Variants in SH3KBP1 observed in about 807,000 individuals in gnomAD.
SH3KBP1 encodes SH3 domain-containing kinase-binding protein 1.
Under a neutral mutation model 50.1 loss-of-function variants are expected in SH3KBP1, and 8 were observed. That is an observed-to-expected ratio of 0.16 (90% CI 0.09 to 0.29). The LOEUF (loss-of-function observed/expected upper bound fraction) is 0.29, where lower values mean the gene tolerates loss of function less well. Among genes scored for constraint, SH3KBP1 ranks in the 10% least tolerant of loss-of-function variants. The pLI is 1.00. For missense variants in SH3KBP1, 377 were observed against 535.2 expected, an observed-to-expected ratio of 0.70 and a Z score of 2.92; for synonymous variants, 227 against 218.6, an observed-to-expected ratio of 1.04 and a Z score of -0.34.
In SH3KBP1 at chrX:19,842,556, T is replaced by C. The variant is rs1188294242; in HGVS notation, c.5-6274A>G. Among the ~76,000 whole-genome samples, 3 of 111,239 alleles carry C rather than the reference T, an allele frequency of 2.7e-5. No individual in the cohort carries two copies. In the East Asian group the frequency reaches 8.3e-4, roughly 31 times the overall value. On this transcript the variant is annotated intron_variant, in intron 1 of 17. Transcript: ENST00000397821. Reference sequence around the variant, plus strand: ...AATAATAATATTAAAATTAAAAGTCTAAACAATATATATTTAAGAATTTAT... The same window carrying C: ...AATAATAATATTAAAATTAAAAGTCCAAACAATATATATTTAAGAATTTAT...
intron 16 of SH3KBP1, among the ~76,000 whole-genome samples, chrX:19,540,480 G>A (rs772760575): frequency 8.1e-5 from 9 of 111,765 alleles, no homozygotes; most frequent in African/African-American, 2.6e-4. Flanking sequence ...AATGCAAAGC[G>A]AAGGCTCTGA....
chrX:19,822,268 C>T (rs1044820911), intron 2 of SH3KBP1, among the ~76,000 whole-genome samples: 1 of 111,823 alleles, frequency 8.9e-6, no homozygotes. Context: ...ATTATCATAA[C>T]CTTCTTTTCT....
intron 1 of SH3KBP1, among the ~76,000 whole-genome samples, chrX:19,878,803 G>A (rs1483524980): frequency 8.9e-6 from 1 of 111,772 alleles, no homozygotes; most frequent in African/African-American, 3.3e-5. Flanking sequence ...AATATACCCA[G>A]TATAACTATA....
At chrX:19,874,448 G>C (rs1398075765) in intron 1 of SH3KBP1, among the ~76,000 whole-genome samples, 1 of 19,456 alleles carries the variant, frequency 5.1e-5, no homozygotes, top group Admixed American at 3.6e-4. Context: ...GGGGCAAAGT[G>C]GGGGGGTGTG....
intron 1 of SH3KBP1, among the ~76,000 whole-genome samples, chrX:19,838,577 G>T (rs942894558): frequency 9.0e-6 from 1 of 111,720 alleles, no homozygotes; most frequent in African/African-American, 3.3e-5. Flanking sequence ...TAGACAACAC[G>T]AGGCCAAGTG....
chrX:19,712,981 T>C (rs971595865), intron 3 of SH3KBP1, among the ~76,000 whole-genome samples: 9 of 111,417 alleles, frequency 8.1e-5, no homozygotes, highest in African/African-American at 2.0e-4. Context: ...CCCAGCACTT[T>C]GGGAGGCTGA....
rs1324206953 is a variant in SH3KBP1 at position 19,650,768 on chromosome X, G to A, written c.727-5293C>T. 5.4e-5 allele frequency among the ~76,000 whole-genome samples: 6 copies of A among 111,901 alleles called. No homozygotes were observed. In the Admixed American group the frequency reaches 5.7e-4, roughly 11 times the overall value. On this transcript the variant is annotated intron_variant, in intron 6 of 17. Transcript: ENST00000397821. ...CCCATTCAGTGTGAGGCAGGAAAGT[G>A]GGGAAAAAAGGCAGGAGGATGGTGA...
chrX:19,573,969 G>A (rs754330498), intron 12 of SH3KBP1, among the ~76,000 whole-genome samples: 2 of 111,198 alleles, frequency 1.8e-5, no homozygotes, highest in Non-Finnish European at 3.8e-5. Flanking sequence ...GTTCTATCTA[G>A]AGCTCCTGTT....
intron 2 of SH3KBP1, among the ~76,000 whole-genome samples, chrX:19,799,243 C>A (rs1025558806): frequency 1.8e-5 from 2 of 111,481 alleles, no homozygotes; most frequent in Non-Finnish European, 3.8e-5. Flanking sequence ...TGGATGCCTG[C>A]AGGGGGTTTG....
At chrX:19,627,805 G>A (rs888519994) in intron 8 of SH3KBP1, among the ~76,000 whole-genome samples, 1 of 112,178 alleles carries the variant, frequency 8.9e-6, no homozygotes, top group Non-Finnish European at 1.9e-5. Context: ...AGGGCAAAGG[G>A]AAACCACCTT....
intron 2 of SH3KBP1, among the ~76,000 whole-genome samples, chrX:19,772,571 C>T (rs989356065): frequency 9.0e-6 from 1 of 111,009 alleles, no homozygotes; most frequent in Non-Finnish European, 1.9e-5. Context: ...ATTTCCTCTC[C>T]GTTCCAACAT....
intron 7 of SH3KBP1, among the ~76,000 whole-genome samples, chrX:19,634,031 G>GGTGTGTGTGTGT (rs60109180): frequency 1.1e-3 from 34 of 32,162 alleles, no homozygotes; most frequent in South Asian, 2.1e-3. Flanking sequence ...TTTGTTCCCT[G>GGTGTGTGTGTGT]GTGTGTGTGT....
chrX:19,752,229 A>T (rs1390271850), intron 2 of SH3KBP1, among the ~76,000 whole-genome samples: 3 of 111,987 alleles, frequency 2.7e-5, no homozygotes, highest in African/African-American at 9.7e-5. Context: ...TACTGACGTC[A>T]TCATTTATCT....
Position 19,710,426 on chromosome X carries a change from C to T in SH3KBP1, c.287-3442G>A, listed in dbSNP as rs192772473. ...GAAGGTCAATAGTAGCCAAACGCTA[C>T]GTCACAATGCCCACATCATTCACCT... is the stretch of plus-strand genomic sequence containing the variant. On this transcript the variant is annotated intron_variant, in intron 3 of 17. Coordinates refer to ENST00000397821, the MANE Select transcript of SH3KBP1 (RefSeq NM_031892.3). 9.8e-5 allele frequency among the ~76,000 whole-genome samples: 11 copies of T among 111,794 alleles called. No homozygotes were observed. In the Admixed American group the frequency reaches 1.0e-3, roughly 11 times the overall value.
chrX:19,773,549 A>G (rs1456434999), intron 2 of SH3KBP1, among the ~76,000 whole-genome samples: 1 of 106,942 alleles, frequency 9.4e-6, no homozygotes, highest in Non-Finnish European at 1.9e-5. Context: ...ACACACACAC[A>G]CCCCCCTATA....
At position 19,765,412 on chromosome X, in the gene SH3KBP1, C is replaced by G. The variant is rs184127993; in HGVS notation, c.163-18971G>C. Among the ~76,000 whole-genome samples, 120 of 110,847 alleles carry G rather than the reference C, an allele frequency of 1.1e-3. 1 individual carries two copies. Among genetic ancestry groups the G allele is most frequent in the African/African-American group, 3.9e-3 (119 of 30,444 alleles). ...CACCCTTTCCAGCCTCTAGGGGTTA[C>G]CTGCATTCCTTAGCTTGTATTCCCT... On this transcript the variant is annotated intron_variant, in intron 2 of 17. Coordinates refer to ENST00000397821, the MANE Select transcript of SH3KBP1 (RefSeq NM_031892.3).
chrX:19,850,848 T>A (rs1189911404), intron 1 of SH3KBP1, among the ~76,000 whole-genome samples: 1 of 109,702 alleles, frequency 9.1e-6, no homozygotes, highest in Non-Finnish European at 1.9e-5. Context: ...CTCAGAGGCA[T>A]CCCCCAGCCT....
rs1477608230 is a variant in SH3KBP1, at chrX:19,534,270, C to G, written c.*2147G>C. The G allele has an allele frequency of 9.1e-6, 1 of 109,718 alleles. No homozygotes were observed. Among genetic ancestry groups the G allele is most frequent in the African/African-American group, 3.3e-5 (1 of 30,156 alleles). The allele number at this position is 109,718 out of a possible 1,213,427, so 9.0% of individuals were successfully genotyped here. On this transcript the variant is annotated 3_prime_UTR_variant, in exon 18 of 18. Transcript: ENST00000397821. ...GGTAGCCCGAGGGGCCGCAATGAAG[C>G]TAGACATACCAACTTCTCCTTCCAG...
chrX:19,800,429 A>G (rs2066859296), intron 2 of SH3KBP1, among the ~76,000 whole-genome samples: 1 of 112,369 alleles, frequency 8.9e-6, no homozygotes, highest in African/African-American at 3.2e-5. Flanking sequence ...ACATAGTCAG[A>G]GCAGGATTTT....
Sources: gnomAD v4.1 joint callset for allele counts (sites outside exome capture counted in the v4.1 genomes callset) on GRCh38, gnomAD v4.1.1 for gene constraint, MANE v1.5 for transcripts, NCBI Gene and HGNC (gene_info 2026-07-23, HGNC 2026-07-21) for gene names.